CNTNAP2: variants seen among roughly 807,000 people sequenced by gnomAD.
CNTNAP2 encodes the protein contactin-associated protein-like 2.
CNTNAP2 carries 98 observed loss-of-function variants against 155.2 expected under a neutral mutation model. The observed-to-expected ratio is 0.63, with a 90% CI of 0.54 to 0.75. The LOEUF is 0.75. Among genes scored for constraint, CNTNAP2 ranks in the 30% least tolerant of loss-of-function variants. The probability of loss-of-function intolerance (pLI) is 0.00; values close to 1 mark genes in which losing one functional copy is unlikely to be tolerated. For synonymous variants in CNTNAP2, 651 were observed against 631.2 expected (o/e 1.03, Z -0.47); for missense variants, 1,727 against 1,688.1 (o/e 1.02, Z -0.40).
At position 147,970,779 on chromosome 7, in the gene CNTNAP2, T is replaced by A. The variant is rs544366301; in HGVS notation, c.2256-7083T>A. Among the ~76,000 whole-genome samples, 7 of 152,288 alleles carry A rather than the reference T, an allele frequency of 4.6e-5. No homozygotes were observed. In the South Asian group the frequency reaches 1.4e-3, roughly 32 times the overall value. On this transcript the variant is annotated intron_variant, in intron 14 of 23. Coordinates refer to ENST00000361727, the MANE Select transcript of CNTNAP2 (RefSeq NM_014141.6). ...AAGCTTGTCCTGGAAAAACCAAGAA[T>A]GTTTGATTGTCTGTGATTGAGACAC...
intron 1 of CNTNAP2, among the ~76,000 whole-genome samples, chr7:146,679,068 G>C (rs1419768431): frequency 6.6e-6 from 1 of 152,144 alleles, no homozygotes; most frequent in Admixed American, 6.5e-5. Context: ...AGGTAAACTT[G>C]TGTCTTGGAG....
In CNTNAP2 at chr7:147,772,650, C is replaced by T. The variant is rs537647596; in HGVS notation, c.2099-130915C>T. ...TTCTGTAACCTTTACTTTCAAACAT[C>T]TCTGACACCATTGCCTTCTTTCTTC... On this transcript the variant is annotated intron_variant, in intron 13 of 23. Coordinates refer to ENST00000361727, the MANE Select transcript of CNTNAP2 (RefSeq NM_014141.6). Among the ~76,000 whole-genome samples, 11 of 151,828 alleles carry T rather than the reference C, an allele frequency of 7.2e-5. 1 individual carries two copies. In the South Asian group the frequency reaches 2.3e-3, roughly 32 times the overall value.
At chr7:147,425,323 TAGAG>T (rs1797361587) in intron 10 of CNTNAP2, among the ~76,000 whole-genome samples, 1 of 151,584 alleles carries the variant, frequency 6.6e-6, no homozygotes, top group Admixed American at 6.6e-5. Flanking sequence ...GTATGAAAAA[TAGAG>T]AGGATTTAAG....
chr7:147,778,737 T>C (rs974467417), intron 13 of CNTNAP2, among the ~76,000 whole-genome samples: 1 of 152,226 alleles, frequency 6.6e-6, no homozygotes, highest in African/African-American at 2.4e-5. Context: ...GGTCTTGAAC[T>C]CCTGACCTCA....
chr7:146,468,136 G>C (rs1311800775), intron 1 of CNTNAP2, among the ~76,000 whole-genome samples: 1 of 152,048 alleles, frequency 6.6e-6, no homozygotes, highest in African/African-American at 2.4e-5. Flanking sequence ...TTTTTAAAAA[G>C]TACATCAAAA....
At chr7:147,169,168 A>G (rs1018795355) in intron 8 of CNTNAP2, among the ~76,000 whole-genome samples, 27 of 152,212 alleles carry the variant, frequency 1.8e-4, no homozygotes, top group African/African-American at 6.3e-4. Context: ...CTCTAATGAA[A>G]GCATCTTGGC....
chr7:147,714,682 C>A (rs1242656387), intron 13 of CNTNAP2, among the ~76,000 whole-genome samples: 2 of 151,970 alleles, frequency 1.3e-5, no homozygotes, highest in Non-Finnish European at 2.9e-5. Context: ...GTTATACACA[C>A]CCTTACTTGT....
intron 1 of CNTNAP2, among the ~76,000 whole-genome samples, chr7:146,133,544 T>C (rs1478404474): frequency 1.3e-5 from 2 of 152,218 alleles, no homozygotes; most frequent in Admixed American, 1.3e-4. Flanking sequence ...TTTATGGTTT[T>C]AGGTCTAATG....
chr7:147,188,841 G>T (rs1802621793), intron 8 of CNTNAP2, among the ~76,000 whole-genome samples: 1 of 152,202 alleles, frequency 6.6e-6, no homozygotes, highest in Non-Finnish European at 1.5e-5. Context: ...TGAAAAAAAT[G>T]TGAATAATAA....
intron 1 of CNTNAP2, among the ~76,000 whole-genome samples, chr7:146,125,057 A>T (rs578262501): frequency 6.6e-6 from 1 of 152,330 alleles, no homozygotes; most frequent in Admixed American, 6.5e-5. Context: ...TCATCCCTAA[A>T]GAATATGTTA....
At chr7:147,147,931 C>T (rs951860723) in intron 8 of CNTNAP2, among the ~76,000 whole-genome samples, 2 of 152,008 alleles carry the variant, frequency 1.3e-5, no homozygotes, top group Non-Finnish European at 2.9e-5. Flanking sequence ...TTTATTCATA[C>T]GTGAATATTG....
At chr7:148,382,655 A>C (rs1563066141) in intron 21 of CNTNAP2, among the ~76,000 whole-genome samples, 1 of 152,182 alleles carries the variant, frequency 6.6e-6, no homozygotes. Flanking sequence ...GCGCCGGGGC[A>C]AAAGAATCTT....
chr7:146,523,597 T>C (rs908274068), intron 1 of CNTNAP2, among the ~76,000 whole-genome samples: 1 of 152,128 alleles, frequency 6.6e-6, no homozygotes, highest in African/African-American at 2.4e-5. Context: ...ATGTGCACCA[T>C]TTAAAAAATA....
At chr7:146,273,522 T>C (rs1277639803) in intron 1 of CNTNAP2, among the ~76,000 whole-genome samples, 1 of 152,004 alleles carries the variant, frequency 6.6e-6, no homozygotes, top group Non-Finnish European at 1.5e-5. Context: ...TGGGGGTGGG[T>C]GTGTTTCAAT....
rs1384350655 is a variant in CNTNAP2 at position 147,331,213 on chromosome 7, A to C, written c.1498+30923A>C. 2.6e-5 allele frequency among the ~76,000 whole-genome samples: 4 copies of C among 152,238 alleles called. No individual in the cohort carries two copies. The South Asian group carries it at 6.2e-4, about 24-fold the overall frequency. The stretch of plus-strand genomic sequence containing the variant: ...AAAGACTCAAAGGACTTTGAGGTAC[A>C]ATGTTCCCTGGTAAAAGCTAAAGAG... On this transcript the variant is annotated intron_variant, in intron 9 of 23. Transcript: ENST00000361727.
intron 8 of CNTNAP2, among the ~76,000 whole-genome samples, chr7:147,231,414 T>C (rs573507590): frequency 1.3e-5 from 2 of 152,360 alleles, no homozygotes; most frequent in African/African-American, 2.4e-5. Flanking sequence ...AGATATCTCT[T>C]TGACATACTA....
In CNTNAP2 at chr7:146,684,639, C is replaced by CAAAAAAAAAAAAAAAAAAAAAAAAAAAAA. The variant is rs3080477; in HGVS notation, c.98-89612_98-89611insAAAAAAAAAAAAAAAAAAAAAAAAAAAAA. ...GCTTCGAGCAATAATAGATCCAGCG[C>CAAAAAAAAAAAAAAAAAAAAAAAAAAAAA]AAAAAAAAAAAAAAAAAAAAGCTGG... On this transcript the variant is annotated intron_variant, in intron 1 of 23. Transcript: ENST00000361727. 6.3e-5 allele frequency among the ~76,000 whole-genome samples: 4 copies of CAAAAAAAAAAAAAAAAAAAAAAAAAAAAA among 63,514 alleles called. 2 individuals carry two copies. The highest frequency in any genetic ancestry group is 1.1e-4 in the Non-Finnish European group (4 of 35,818). The allele number at this position is 63,514 out of a possible 152,430, so 41.7% of individuals were successfully genotyped here.
intron 1 of CNTNAP2, among the ~76,000 whole-genome samples, chr7:146,299,038 AC>A (rs535223714): frequency 1.8e-3 from 271 of 152,170 alleles, no homozygotes; most frequent in African/African-American, 6.3e-3. Flanking sequence ...ACTTTGGGAC[AC>A]CCAGGTGGGA....
At chr7:146,623,556 T>C (rs1370716812) in intron 1 of CNTNAP2, among the ~76,000 whole-genome samples, 3 of 152,238 alleles carry the variant, frequency 2.0e-5, no homozygotes, top group Non-Finnish European at 4.4e-5. Flanking sequence ...TTTCACTTAG[T>C]AATATGTATT....
Sources: allele counts gnomAD v4.1 joint callset (sites outside exome capture counted in the v4.1 genomes callset), GRCh38; gene constraint gnomAD v4.1.1; transcripts MANE v1.5; gene names NCBI Gene and HGNC (gene_info 2026-07-23, HGNC 2026-07-21).